TIAM2: variants seen among roughly 807,000 people sequenced by gnomAD.
TIAM2 encodes the protein TIAM Rac1 associated GEF 2.
A neutral mutation model predicts 152.9 loss-of-function variants in TIAM2; 80 were observed. That is an observed-to-expected ratio of 0.52 (90% CI 0.44 to 0.63). The LOEUF is 0.63. Ranked by LOEUF, TIAM2 falls within the 30% of genes least tolerant of loss-of-function variation. The probability of loss-of-function intolerance (pLI) is 0.00; values close to 1 mark genes in which losing one functional copy is unlikely to be tolerated. For missense variants in TIAM2, 1,965 were observed against 2,120.1 expected (o/e 0.93, Z 1.44); for synonymous variants, 804 against 838.0 (o/e 0.96, Z 0.70).
At chr6:155,036,408 C>T (rs529586792) in intron 1 of TIAM2, among the ~76,000 whole-genome samples, 58 of 151,404 alleles carry the variant, frequency 3.8e-4, no homozygotes, top group African/African-American at 1.4e-3. Flanking sequence ...GAGGCACACG[C>T]CTGTAGTCCC....
intron 10 of TIAM2, among the ~76,000 whole-genome samples, chr6:155,177,450 T>C (rs930253812): frequency 1.3e-5 from 2 of 152,246 alleles, no homozygotes; most frequent in East Asian, 1.9e-4. Flanking sequence ...TTTTTCAAAC[T>C]GGGTTTCATT....
chr6:155,251,974 A>G lies in TIAM2; in HGVS notation c.4090A>G (p.Lys1364Glu), dbSNP rs779465528. Residue 1364 changes from lysine to glutamate, a missense_variant, in exon 23 of 27, where the codon AAA becomes GAA. Physicochemically the swap from Lys to Glu is moderately conservative, Grantham distance 56. Transcript: ENST00000682666. ...VFKRAVILVY[K>E]ENCKLKKKLP... ...TAAGAGAGCCGTCATACTGGTTTAT[A>G]AAGAAAACTGCAAACTGAAAAAGAA... 2 of 1,604,674 alleles carry G rather than the reference A, an allele frequency of 1.2e-6. No homozygotes were observed. Among genetic ancestry groups the G allele is most frequent in the Non-Finnish European group, 1.7e-6 (2 of 1,176,872 alleles).
intron 1 of TIAM2, among the ~76,000 whole-genome samples, chr6:154,998,396 G>A (rs188822047): frequency 6.6e-6 from 1 of 152,208 alleles, no homozygotes; most frequent in Non-Finnish European, 1.5e-5. Flanking sequence ...GATTTATTTA[G>A]GATCTCCAAT....
At chr6:155,141,026 A>AACTTCTGGCT (rs1395923449) in intron 5 of TIAM2, among the ~76,000 whole-genome samples, 4 of 152,180 alleles carry the variant, frequency 2.6e-5, no homozygotes, top group Admixed American at 1.3e-4. Flanking sequence ...GTAGACCAGG[A>AACTTCTGGCT]ACTTCTGGCT....
At chr6:155,166,548 C>T (rs1429554501) in intron 9 of TIAM2, among the ~76,000 whole-genome samples, 2 of 152,104 alleles carry the variant, frequency 1.3e-5, no homozygotes, top group African/African-American at 4.8e-5. Flanking sequence ...GTTGTGAACT[C>T]CTGACCTCAG....
intron 1 of TIAM2, among the ~76,000 whole-genome samples, chr6:155,042,350 G>C (rs1706907850): frequency 6.6e-6 from 1 of 152,052 alleles, no homozygotes; most frequent in African/African-American, 2.4e-5. Context: ...GGTGGCTCTT[G>C]CCTGTAAGGC....
intron 2 of TIAM2, among the ~76,000 whole-genome samples, chr6:155,105,548 A>C (rs942187035): frequency 1.3e-5 from 2 of 151,226 alleles, no homozygotes; most frequent in Non-Finnish European, 2.9e-5. Context: ...TGCCCACATC[A>C]GCCTCCCTTG....
At chr6:155,023,721 A>G (rs1197706263) in intron 1 of TIAM2, among the ~76,000 whole-genome samples, 1 of 152,170 alleles carries the variant, frequency 6.6e-6, no homozygotes, top group Non-Finnish European at 1.5e-5. Context: ...CCTCCAAGGA[A>G]ATACTCATTG....
At chr6:155,219,095 C>T (rs1377323156) in intron 15 of TIAM2, among the ~76,000 whole-genome samples, 1 of 151,842 alleles carries the variant, frequency 6.6e-6, no homozygotes, top group Non-Finnish European at 1.5e-5. Flanking sequence ...CCTATATTCT[C>T]GAAGTTAGTG....
intron 19 of TIAM2, among the ~76,000 whole-genome samples, chr6:155,246,681 C>A (rs1020998072): frequency 1.3e-5 from 2 of 152,072 alleles, no homozygotes; most frequent in Admixed American, 6.5e-5. Flanking sequence ...TGAAAGCATA[C>A]CAATGTACTT....
intron 1 of TIAM2, among the ~76,000 whole-genome samples, chr6:155,074,707 G>A (rs550351268): frequency 5.9e-5 from 9 of 152,188 alleles, no homozygotes; most frequent in African/African-American, 1.9e-4. Flanking sequence ...GCTTTTTCTT[G>A]TGTGTTTATT....
chr6:155,070,198 G>A (rs1276778030), intron 1 of TIAM2, among the ~76,000 whole-genome samples: 7 of 133,764 alleles, frequency 5.2e-5, no homozygotes, highest in East Asian at 2.2e-4. Context: ...GAGCCACCGC[G>A]CCTGGCCAGA....
intron 4 of TIAM2, among the ~76,000 whole-genome samples, chr6:155,131,846 TG>T (rs1354336102): frequency 1.3e-5 from 2 of 152,144 alleles, no homozygotes; most frequent in Admixed American, 6.5e-5. Flanking sequence ...CCCAACATGC[TG>T]GGATTACAAG....
At chr6:155,024,827 C>T (rs1452362656) in intron 1 of TIAM2, among the ~76,000 whole-genome samples, 1 of 152,132 alleles carries the variant, frequency 6.6e-6, no homozygotes, top group Non-Finnish European at 1.5e-5. Context: ...AAATTAGGAT[C>T]ACAGCTTTTA....
At chr6:155,122,644 G>A (rs1326634960) in intron 2 of TIAM2, among the ~76,000 whole-genome samples, 4 of 151,896 alleles carry the variant, frequency 2.6e-5, no homozygotes, top group Non-Finnish European at 4.4e-5. Context: ...AGCATAAAAT[G>A]TTTGCTAACT....
chr6:155,030,403 C>A (rs1216027041), intron 1 of TIAM2, among the ~76,000 whole-genome samples: 2 of 152,118 alleles, frequency 1.3e-5, no homozygotes, highest in Admixed American at 6.6e-5. Flanking sequence ...GATAGCTGCT[C>A]ACATTTTGTT....
At chr6:154,997,276 C>T (rs1329124942) in intron 1 of TIAM2, among the ~76,000 whole-genome samples, 2 of 152,200 alleles carry the variant, frequency 1.3e-5, no homozygotes, top group Non-Finnish European at 2.9e-5. Flanking sequence ...TATCCGTAGG[C>T]GAAGTTAAGC....
chr6:155,256,748 C>T lies in TIAM2; in HGVS notation c.4733C>T (p.Thr1578Ile). 1 of 1,614,238 alleles carries T rather than the reference C, an allele frequency of 6.2e-7. No homozygotes were observed. ...LSDEDDDHRQ[T>I]VKQGSPTKDI... ...GATGAAGATGATGACCACCGTCAGA[C>T]TGTGAAGCAGGGCAGCCCTACTAAA... Residue 1578 changes from threonine to isoleucine, a missense_variant, in exon 27 of 27, where the codon ACT becomes ATT. Transcript: ENST00000682666.
chr6:155,257,212 C>G lies in TIAM2; in HGVS notation c.*91C>G. On this transcript the variant is annotated 3_prime_UTR_variant, in exon 27 of 27. Coordinates refer to ENST00000682666, the MANE Select transcript of TIAM2 (RefSeq NM_012454.4). ...TTGCAAAAAAAAAAAAAAAAAAAAA[C>G]TGTTCATTCCTGGGTTTTGTGCAGT... 1 of 865,868 alleles carries G rather than the reference C, an allele frequency of 1.2e-6. No homozygotes were observed. Among genetic ancestry groups the G allele is most frequent in the Non-Finnish European group, 1.7e-6 (1 of 585,284 alleles). The allele number at this position is 865,868 out of a possible 1,614,324, so 53.6% of individuals were successfully genotyped here.
Sources: gnomAD v4.1 joint callset for allele counts (sites outside exome capture counted in the v4.1 genomes callset) on GRCh38, gnomAD v4.1.1 for gene constraint, MANE v1.5 for transcripts, NCBI Gene and HGNC (gene_info 2026-07-23, HGNC 2026-07-21) for gene names.